ZSWIM9: variants seen among roughly 807,000 people sequenced by gnomAD.
ZSWIM9 encodes uncharacterized protein ZSWIM9.
In ZSWIM9, 11 loss-of-function variants were observed where a neutral mutation model predicts 25.0. The observed-to-expected ratio is 0.44, with a 90% CI of 0.28 to 0.73. The LOEUF (loss-of-function observed/expected upper bound fraction) is 0.73, where lower values mean the gene tolerates loss of function less well. ZSWIM9 is among the 30% of genes least tolerant of loss of function. ZSWIM9 has a pLI of 0.16. For synonymous variants in ZSWIM9, 562 were observed against 582.1 expected, an observed-to-expected ratio of 0.97 and a Z score of 0.50; for missense variants, 1,070 against 1,296.5, an observed-to-expected ratio of 0.83 and a Z score of 2.68.
At position 48,195,886 on chromosome 19, in the gene ZSWIM9, G is replaced by A. The variant is rs565987241; in HGVS notation, c.1822G>A (p.Asp608Asn). Residue 608 changes from aspartate to asparagine, a missense_variant, in exon 4 of 4, where the codon GAC (aspartate) becomes AAC (asparagine). Asp to Asn is a conservative substitution (Grantham distance 23, BLOSUM62 1). This residue lies in a region of ZSWIM9 where 583 missense variants were observed against 624.7 expected (regional missense o/e 0.93). Transcript: ENST00000614654. This position sits in a 1 kb window ranked among gnomAD's most constrained non-coding sequence, Gnocchi z 5.8. Reference protein sequence around the residue: ...AQLEDRRSTTDLRGTQFDYER... With the variant: ...AQLEDRRSTTNLRGTQFDYER... ...GCTGGAAGATCGCAGGAGTACCACC[G>A]ACCTGAGGGGGACCCAGTTTGACTA... is the stretch of plus-strand genomic sequence containing the variant. 7.1e-7 allele frequency: 1 copy of A among 1,398,972 alleles called. No homozygotes were observed. The highest frequency in any genetic ancestry group is 1.6e-5 in the South Asian group (1 of 60,634). 86.7% of individuals were successfully genotyped at this position (1,398,972 alleles called of 1,614,324 possible).
intron 2 of ZSWIM9, among the ~76,000 whole-genome samples, chr19:48,176,048 A>T (rs1006525856): frequency 6.6e-6 from 1 of 152,174 alleles, no homozygotes; most frequent in Non-Finnish European, 1.5e-5. Context: ...TGTACTAAAA[A>T]TACAAAAATT....
In ZSWIM9 at chr19:48,195,198, G is replaced by A. The variant is rs758903126; in HGVS notation, c.1134G>A (p.Glu378=). Residue 378 remains glutamate (E), a synonymous_variant, in exon 4 of 4, where the codon GAG becomes GAA. Transcript: ENST00000614654. This position sits in a 1 kb window ranked among gnomAD's most constrained non-coding sequence, Gnocchi z 5.8. ...HGPAAFVDYF[E]RNWEPRRDMW... is the part of the protein sequence containing the mutation. ...CAGCCGCCTTCGTGGACTACTTCGA[G>A]CGCAACTGGGAGCCCCGCCGCGACA... is the stretch of plus-strand genomic sequence containing the variant. 880 of 1,525,968 alleles carry A rather than the reference G, an allele frequency of 5.8e-4. 10 individuals carry two copies. The South Asian group carries it at 5.9e-3, about 10-fold the overall frequency. The allele number at this position is 1,525,968 out of a possible 1,614,324, so 94.5% of individuals were successfully genotyped here.
intron 3 of ZSWIM9, among the ~76,000 whole-genome samples, chr19:48,184,347 C>T (rs961984619): frequency 1.3e-5 from 2 of 152,162 alleles, no homozygotes; most frequent in Non-Finnish European, 2.9e-5. Context: ...GTGAGGATGG[C>T]TGCTGCTCCA....
In ZSWIM9 at chr19:48,196,494, C is replaced by T. The variant is rs1196486566; in HGVS notation, c.2430C>T (p.Cys810=). 9 of 1,232,292 alleles carry T rather than the reference C, an allele frequency of 7.3e-6. No homozygotes were observed. Among genetic ancestry groups the T allele is most frequent in the Non-Finnish European group, 9.1e-6 (9 of 988,276 alleles). 76.3% of individuals were successfully genotyped at this position (1,232,292 alleles called of 1,614,324 possible). ...GCCCCAGGGAACCAAAGAGGCTTTGCCGACCCCCGGGAGAGGAGGAGGTGG... is the reference window on the plus strand; with the variant it reads ...GCCCCAGGGAACCAAAGAGGCTTTGTCGACCCCCGGGAGAGGAGGAGGTGG... The part of the protein sequence containing the change: ...EDGPREPKRL[C]RPPGEEEVDW... Residue 810 remains cysteine (C), a synonymous_variant, in exon 4 of 4, where the codon TGC becomes TGT. Coordinates refer to ENST00000614654, the MANE Select transcript of ZSWIM9 (RefSeq NM_199341.4).
chr19:48,171,690 A>C (rs2036815029), intron 1 of ZSWIM9, 104 bp from the exon 2 acceptor site: 1 of 1,162,482 alleles, frequency 8.6e-7, no homozygotes, highest in Non-Finnish European at 1.2e-6. Context: ...ACCCACCTCG[A>C]TAGAGGCACC....
intron 2 of ZSWIM9, 65 bp downstream of exon 2, chr19:48,172,142 G>GGGGGGGGGGGGC: frequency 1.8e-6 from 1 of 546,426 alleles, no homozygotes. Flanking sequence ...GTGTGGGTGG[G>GGGGGGGGGGGGC]AGACGGGCAG....
Position 48,196,359 on chromosome 19 carries a change from C to A in ZSWIM9, c.2295C>A (p.Val765=). 8.1e-7 allele frequency: 1 copy of A among 1,232,408 alleles called. No homozygotes were observed. The highest frequency in any genetic ancestry group is 1.0e-6 in the Non-Finnish European group (1 of 988,278). 76.3% of individuals were successfully genotyped at this position (1,232,408 alleles called of 1,614,324 possible). The change falls in exon 4 of 4, where the codon GTC becomes GTA. Residue 765 remains valine, a synonymous_variant. Transcript: ENST00000614654. ...GGTGTCTAGGGCTGGGGAATGGAGT[C>A]GTGTCTGGCACCCCGGTGGGGACTG... ...GGRCLGLGNG[V]VSGTPVGTVL... is the part of the protein sequence containing the mutation.
chr19:48,197,470 G>GTT lies in ZSWIM9; in HGVS notation c.*647_*648dup, dbSNP rs1215691329. 2 of 563,994 alleles carry GTT rather than the reference G, an allele frequency of 3.5e-6. No homozygotes were observed. The highest frequency in any genetic ancestry group is 6.3e-6 in the Non-Finnish European group (2 of 315,678). 34.9% of individuals were successfully genotyped at this position (563,994 alleles called of 1,614,324 possible). ...ACGAAATGCAAGGGGCGTGGTTTTG[G>GTT]TTTTTCTCCAAGACCTGGAGACATC... On this transcript the variant is annotated 3_prime_UTR_variant, in exon 4 of 4. Transcript: ENST00000614654.
In ZSWIM9 at chr19:48,194,578, C is replaced by T; in HGVS notation, c.589-75C>T. 5 of 1,331,476 alleles carry T rather than the reference C, an allele frequency of 3.8e-6. No homozygotes were observed. The highest frequency in any genetic ancestry group is 4.8e-6 in the Non-Finnish European group (5 of 1,036,342). The allele number at this position is 1,331,476 out of a possible 1,614,324, so 82.5% of individuals were successfully genotyped here. On this transcript the variant is annotated intron_variant, in intron 3 of 3. Transcript: ENST00000614654. The surrounding 1 kb of genome is among the most constrained non-coding windows in gnomAD (Gnocchi z 6.0). ...GTCCCATTTCCGTAGAAGGGGAAACCGAGGTCGGGGAGCTGGGCGGGGAGA... is the reference window on the plus strand; with the variant it reads ...GTCCCATTTCCGTAGAAGGGGAAACTGAGGTCGGGGAGCTGGGCGGGGAGA...
intron 1 of ZSWIM9, chr19:48,171,188 CG>C (rs1568570938): frequency 1.0e-6 from 1 of 981,708 alleles, no homozygotes; most frequent in Non-Finnish European, 1.2e-6. Flanking sequence ...GGGTCATAAT[CG>C]GGGGAAGGGG....
chr19:48,178,693 A>G (rs2123203870), intron 2 of ZSWIM9, among the ~76,000 whole-genome samples: 1 of 152,134 alleles, frequency 6.6e-6, no homozygotes, highest in African/African-American at 2.4e-5. Context: ...CTCCTGCCTC[A>G]GCCTCCTGAG....
chr19:48,196,487 G>C lies in ZSWIM9; in HGVS notation c.2423G>C (p.Arg808Thr), dbSNP rs1354000332. Residue 808 changes from arginine to threonine, a missense_variant, in exon 4 of 4, where the codon AGG becomes ACG. Arg to Thr is a moderately conservative substitution (Grantham distance 71). This residue lies in a region of ZSWIM9 where 583 missense variants were observed against 624.7 expected (regional missense o/e 0.93). Transcript: ENST00000614654. The part of the protein sequence containing the change: ...GGEDGPREPK[R>T]LCRPPGEEEV... ...GAAGATGGCCCCAGGGAACCAAAGA[G>C]GCTTTGCCGACCCCCGGGAGAGGAG... The C allele has an allele frequency of 8.1e-7, 1 of 1,232,404 alleles. No individual in the cohort carries two copies. The highest frequency in any genetic ancestry group is 3.2e-5 in the East Asian group (1 of 31,706). 76.3% of individuals were successfully genotyped at this position (1,232,404 alleles called of 1,614,324 possible).
Position 48,196,374 on chromosome 19 carries a change from G to T in ZSWIM9, c.2310G>T (p.Pro770=). 1 of 1,231,416 alleles carries T rather than the reference G, an allele frequency of 8.1e-7. No homozygotes were observed. The highest frequency in any genetic ancestry group is 1.0e-6 in the Non-Finnish European group (1 of 987,708). The allele number at this position is 1,231,416 out of a possible 1,614,324, so 76.3% of individuals were successfully genotyped here. Residue 770 remains proline (P), a synonymous_variant, in exon 4 of 4, where the codon CCG becomes CCT. Transcript: ENST00000614654. Reference sequence around the variant, plus strand: ...GGAATGGAGTCGTGTCTGGCACCCCGGTGGGGACTGTATTGGAAGGCAGCC... The same window carrying T: ...GGAATGGAGTCGTGTCTGGCACCCCTGTGGGGACTGTATTGGAAGGCAGCC... The part of the protein sequence containing the change: ...GLGNGVVSGT[P]VGTVLEGSPE...
intron 3 of ZSWIM9, among the ~76,000 whole-genome samples, chr19:48,186,128 A>G (rs1006465234): frequency 6.6e-6 from 1 of 152,180 alleles, no homozygotes; most frequent in Non-Finnish European, 1.5e-5. Context: ...AATGTAAACA[A>G]CCTAATGTAG....
At chr19:48,187,977 T>TAGAC (rs1568580220) in intron 3 of ZSWIM9, among the ~76,000 whole-genome samples, 1 of 148,504 alleles carries the variant, frequency 6.7e-6, no homozygotes, top group African/African-American at 2.6e-5. Context: ...GATAGATAGA[T>TAGAC]AGATAGATAG....
chr19:48,184,944 A>G (rs575360981), intron 3 of ZSWIM9, among the ~76,000 whole-genome samples: 1 of 151,978 alleles, frequency 6.6e-6, no homozygotes, highest in East Asian at 1.9e-4. Flanking sequence ...TCCACTACCC[A>G]CCATGACATA....
chr19:48,186,632 G>A (rs1479577972), intron 3 of ZSWIM9: 2 of 154,824 alleles, frequency 1.3e-5, no homozygotes, highest in African/African-American at 2.4e-5. Flanking sequence ...TGCTTTATAC[G>A]TTGGGGAGTG....
chr19:48,196,098 C>T lies in ZSWIM9; in HGVS notation c.2034C>T (p.Asn678=), dbSNP rs1306922977. 1.0e-5 allele frequency: 13 copies of T among 1,238,868 alleles called. No individual in the cohort carries two copies. Among genetic ancestry groups the T allele is most frequent in the East Asian group, 6.3e-5 (2 of 31,608 alleles). 76.7% of individuals were successfully genotyped at this position (1,238,868 alleles called of 1,614,324 possible). The change falls in exon 4 of 4, where the codon AAC becomes AAT. Residue 678 remains asparagine (N), a synonymous_variant. Coordinates refer to ENST00000614654, the MANE Select transcript of ZSWIM9 (RefSeq NM_199341.4). ...AGTCCCTGGAGTTGGCCCCTGAGAA[C>T]GGAGACCAAAGGGGACCCCAGTGGG... ...LEKSLELAPE[N]GDQRGPQWED...
chr19:48,196,570 GA>G lies in ZSWIM9; in HGVS notation c.2507del (p.Asp836AlafsTer40). 8.1e-7 allele frequency: 1 copy of G among 1,232,584 alleles called. No homozygotes were observed. Among genetic ancestry groups the G allele is most frequent in the Non-Finnish European group, 1.0e-6 (1 of 988,346 alleles). The allele number at this position is 1,232,584 out of a possible 1,614,324, so 76.4% of individuals were successfully genotyped here. ...FRAACGPELA[D>X]LVAEELAFAR... ...AGCAGCCTGCGGGCCAGAGCTGGCAGACCTGGTGGCTGAGGAGTTGGCCTTT... is the reference window on the plus strand; with the variant it reads ...AGCAGCCTGCGGGCCAGAGCTGGCAGCCTGGTGGCTGAGGAGTTGGCCTTT... On this transcript the variant is annotated frameshift_variant, in exon 4 of 4. Transcript: ENST00000614654. LOFTEE classifies it high-confidence loss of function.
Sources: gnomAD v4.1 joint callset for allele counts (sites outside exome capture counted in the v4.1 genomes callset) on GRCh38, gnomAD v4.1.1 for gene constraint, gnomAD v4.1.1 regional missense constraint, Gnocchi (gnomAD v3.1) non-coding constraint, MANE v1.5 for transcripts, NCBI Gene and HGNC (gene_info 2026-07-23, HGNC 2026-07-21) for gene names.